Variants in CHST9 observed in about 807,000 individuals in gnomAD.
The protein encoded by CHST9 is GalNAc-4-sulfotransferase 2.
Under a neutral mutation model 44.4 loss-of-function variants are expected in CHST9, and 41 were observed. That is an observed-to-expected ratio of 0.92 (90% CI 0.72 to 1.20). The LOEUF (loss-of-function observed/expected upper bound fraction) is 1.20, where lower values mean the gene tolerates loss of function less well. CHST9 is among the 50% of genes most tolerant of loss of function. The probability of loss-of-function intolerance (pLI) is 0.00; values close to 1 mark genes in which losing one functional copy is unlikely to be tolerated. For missense variants in CHST9, 504 were observed against 516.5 expected (o/e 0.98, Z 0.23); for synonymous variants, 171 against 178.4 (o/e 0.96, Z 0.33).
intron 2 of CHST9, among the ~76,000 whole-genome samples, chr18:27,117,575 C>T (rs2058338155): frequency 6.6e-6 from 1 of 152,146 alleles, no homozygotes; most frequent in African/African-American, 2.4e-5. Context: ...ACCCTGGCAA[C>T]CACTGATGTT....
intron 2 of CHST9, among the ~76,000 whole-genome samples, chr18:27,081,549 T>G (rs950913071): frequency 7.9e-5 from 12 of 152,128 alleles, no homozygotes; most frequent in African/African-American, 2.9e-4. Context: ...CCAACCCTCC[T>G]AGATGATATA....
At chr18:26,926,470 A>G (rs2055769722) in intron 5 of CHST9, among the ~76,000 whole-genome samples, 1 of 152,256 alleles carries the variant, frequency 6.6e-6, no homozygotes, top group African/African-American at 2.4e-5. Context: ...ACCTTAATGT[A>G]TATAAGTAGA....
chr18:26,974,325 C>A (rs2056590432), intron 4 of CHST9, among the ~76,000 whole-genome samples: 2 of 152,180 alleles, frequency 1.3e-5, no homozygotes, highest in South Asian at 2.1e-4. Context: ...GAATGCAACA[C>A]TTTCTCTAGT....
intron 2 of CHST9, among the ~76,000 whole-genome samples, chr18:27,093,575 G>T (rs2058089270): frequency 6.6e-6 from 1 of 152,216 alleles, no homozygotes; most frequent in South Asian, 2.1e-4. Flanking sequence ...GAATCACGTT[G>T]TCTGCAGGTT....
At chr18:26,972,977 C>G (rs1406454438) in intron 4 of CHST9, among the ~76,000 whole-genome samples, 7 of 152,362 alleles carry the variant, frequency 4.6e-5, no homozygotes, top group Non-Finnish European at 8.8e-5. Context: ...CTGAAGCCAG[C>G]TACACTGGCC....
intron 2 of CHST9, among the ~76,000 whole-genome samples, chr18:27,120,944 C>T (rs1459724397): frequency 2.6e-5 from 4 of 152,128 alleles, no homozygotes; most frequent in Non-Finnish European, 5.9e-5. Context: ...AGCAATTCTA[C>T]CACCACAGAG....
intron 2 of CHST9, among the ~76,000 whole-genome samples, chr18:27,061,623 T>C (rs1318324113): frequency 6.6e-6 from 1 of 152,088 alleles, no homozygotes; most frequent in Non-Finnish European, 1.5e-5. Context: ...GGGGACCAGA[T>C]TGCATCATTG....
At chr18:27,122,432 C>T (rs745581616) in intron 2 of CHST9, among the ~76,000 whole-genome samples, 3 of 152,064 alleles carry the variant, frequency 2.0e-5, no homozygotes, top group Non-Finnish European at 4.4e-5. Flanking sequence ...GGGTTACAAG[C>T]AACATTAAAA....
intron 1 of CHST9, among the ~76,000 whole-genome samples, chr18:27,181,261 T>C (rs2058909748): frequency 6.6e-6 from 1 of 152,208 alleles, no homozygotes. Flanking sequence ...ATAAACAAGA[T>C]ATTTCATGCT....
At chr18:27,075,382 T>G (rs2057893148) in intron 2 of CHST9, among the ~76,000 whole-genome samples, 1 of 152,138 alleles carries the variant, frequency 6.6e-6, no homozygotes, top group African/African-American at 2.4e-5. Context: ...AGCCTTGTTT[T>G]CAGATAGATA....
intron 5 of CHST9, among the ~76,000 whole-genome samples, chr18:26,922,044 AT>A (rs1568092248): frequency 6.6e-6 from 1 of 152,074 alleles, no homozygotes; most frequent in African/African-American, 2.4e-5. Flanking sequence ...TTCCCCAAAC[AT>A]TTTGTTTTTT....
intron 4 of CHST9, among the ~76,000 whole-genome samples, chr18:26,995,668 A>G (rs1441251401): frequency 6.6e-6 from 1 of 152,246 alleles, no homozygotes; most frequent in Admixed American, 6.5e-5. Context: ...AGCTTGGGAT[A>G]CATGAAAAAT....
chr18:27,052,273 TA>T (rs1353376133), intron 2 of CHST9, among the ~76,000 whole-genome samples: 1 of 127,858 alleles, frequency 7.8e-6, no homozygotes, highest in African/African-American at 2.6e-5. Flanking sequence ...TATGTGTATA[TA>T]TATGTATATA....
chr18:27,004,688 T>C (rs375517322), intron 4 of CHST9, among the ~76,000 whole-genome samples: 94 of 152,314 alleles, frequency 6.2e-4, no homozygotes, highest in African/African-American at 2.1e-3. Context: ...TTCTAACGGT[T>C]TCCCTTTTCG....
chr18:27,101,098 C>A (rs986243738), intron 2 of CHST9, among the ~76,000 whole-genome samples: 3 of 152,124 alleles, frequency 2.0e-5, no homozygotes, highest in Non-Finnish European at 4.4e-5. Context: ...GTTCTGCACA[C>A]CCTAATCTGT....
At chr18:27,043,120 A>T (rs967978448) in intron 3 of CHST9, among the ~76,000 whole-genome samples, 1 of 151,914 alleles carries the variant, frequency 6.6e-6, no homozygotes, top group African/African-American at 2.4e-5. Flanking sequence ...GCTTTGATTT[A>T]TCTTTCCTAG....
chr18:27,066,053 G>T (rs541929914), intron 2 of CHST9, among the ~76,000 whole-genome samples: 2 of 152,196 alleles, frequency 1.3e-5, no homozygotes, highest in Non-Finnish European at 2.9e-5. Flanking sequence ...GAGGGCACAG[G>T]ACCTCACAGA....
At chr18:27,015,584 T>C (rs1024889670) in intron 4 of CHST9, among the ~76,000 whole-genome samples, 2 of 152,200 alleles carry the variant, frequency 1.3e-5, no homozygotes, top group East Asian at 1.9e-4. Flanking sequence ...TGCTAGCATA[T>C]GTGTACATAC....
intron 2 of CHST9, among the ~76,000 whole-genome samples, chr18:27,118,844 C>G (rs2143802507): frequency 6.6e-6 from 1 of 152,308 alleles, no homozygotes; most frequent in East Asian, 1.9e-4. Flanking sequence ...TTTTCCTTTT[C>G]CATCACCCAC....
Sources: gnomAD v4.1 joint callset for allele counts (sites outside exome capture counted in the v4.1 genomes callset) on GRCh38, gnomAD v4.1.1 for gene constraint, MANE v1.5 for transcripts, NCBI Gene and HGNC (gene_info 2026-07-23, HGNC 2026-07-21) for gene names.